Variants in ZNF469 observed in about 807,000 individuals in gnomAD.
The protein encoded by ZNF469 is zinc finger protein 469.
Under a neutral mutation model 1.0 loss-of-function variants are expected in ZNF469, and 1 was observed. The ratio of observed to expected loss-of-function variants is 1.00; its 90% CI spans 0.35 to 4.73. The LOEUF (loss-of-function observed/expected upper bound fraction) is 4.73, where lower values mean the gene tolerates loss of function less well. Ranked by LOEUF, ZNF469 falls within the 30% of genes most tolerant of loss-of-function variation. ZNF469 has a pLI of 0.16. For synonymous variants in ZNF469, 2,703 were observed against 2,363.4 expected, an observed-to-expected ratio of 1.14 and a Z score of -4.17; for missense variants, 6,100 against 5,356.3, an observed-to-expected ratio of 1.14 and a Z score of -4.33.
chr16:88,398,794 C>T (rs975066889), intron 1 of ZNF469, among the ~76,000 whole-genome samples: 4 of 152,056 alleles, frequency 2.6e-5, no homozygotes, highest in African/African-American at 9.7e-5. Flanking sequence ...TGCAGCAGCC[C>T]AGGGCATCCG....
At chr16:88,166,655 T>C in the ZNF469 span, among the ~76,000 whole-genome samples, 4 of 152,074 alleles carry the variant, frequency 2.6e-5, no homozygotes, top group East Asian at 3.9e-4. This position sits in a 1 kb window ranked among gnomAD's most constrained non-coding sequence, Gnocchi z 4.5. Flanking sequence ...AGAGTCAGCA[T>C]TGGAAACCGC....
At position 88,433,738 on chromosome 16, in the gene ZNF469, C is replaced by T; in HGVS notation, c.6268C>T (p.Pro2090Ser). The T allele has an allele frequency of 6.5e-7, 1 of 1,549,012 alleles. No homozygotes were observed. The highest frequency in any genetic ancestry group is 8.7e-7 in the Non-Finnish European group (1 of 1,146,840). The change falls in exon 3 of 3, where the codon CCC (proline) becomes TCC (serine). Residue 2090 changes from proline (P) to serine (S), a missense_variant. Coordinates refer to ENST00000565624, the MANE Select transcript of ZNF469 (RefSeq NM_001367624.2). ...EGRTPERASS[P>S]GLNKPLLATG... ...CCGGACTCCAGAGAGGGCGTCCAGC[C>T]CCGGCCTGAACAAGCCACTGCTGGC...
At chr16:88,280,340 G>A in the ZNF469 span, among the ~76,000 whole-genome samples, 1 of 152,036 alleles carries the variant, frequency 6.6e-6, no homozygotes, top group African/African-American at 2.4e-5. Context: ...GCTGCGCTAC[G>A]CCGACACTTG....
chr16:88,241,949 C>T, the ZNF469 span, among the ~76,000 whole-genome samples: 2 of 152,174 alleles, frequency 1.3e-5, no homozygotes, highest in Non-Finnish European at 2.9e-5. The surrounding 1 kb of genome is among the most constrained non-coding windows in gnomAD (Gnocchi z 4.8). Context: ...AGCTGGAAGG[C>T]GCTGTTTCCC....
chr16:88,129,161 C>G, the ZNF469 span, among the ~76,000 whole-genome samples: 5 of 152,250 alleles, frequency 3.3e-5, no homozygotes, highest in Non-Finnish European at 7.3e-5. Flanking sequence ...AGCTCATCCC[C>G]GTGAGCTCTG....
chr16:88,428,772 C>T lies in ZNF469; in HGVS notation c.1302C>T (p.Pro434=), dbSNP rs1474976204. ...AGCTGGCCGCCCCAGGGCCCCCACCCGCCAGGCTGCCCCAGCTGTGGGACC... is the reference window on the plus strand; with the variant it reads ...AGCTGGCCGCCCCAGGGCCCCCACCTGCCAGGCTGCCCCAGCTGTGGGACC... ...DTELAAPGPP[P]ARLPQLWDPT... Residue 434 remains proline, a synonymous_variant, in exon 3 of 3, where the codon CCC becomes CCT. Transcript: ENST00000565624. 22 of 1,545,500 alleles carry T rather than the reference C, an allele frequency of 1.4e-5. No homozygotes were observed. The highest frequency in any genetic ancestry group is 1.2e-4 in the East Asian group (5 of 40,846).
At chr16:88,131,320 T>C in the ZNF469 span, among the ~76,000 whole-genome samples, 1 of 152,200 alleles carries the variant, frequency 6.6e-6, no homozygotes, top group African/African-American at 2.4e-5. Flanking sequence ...AAGGCTGGTG[T>C]GTCGCCTAAG....
Position 88,439,429 on chromosome 16 carries a change from C to A in ZNF469, c.*97C>A. On this transcript the variant is annotated 3_prime_UTR_variant, in exon 3 of 3. Transcript: ENST00000565624. ...CTCCCTGAGATGGTCCACTCTGTGG[C>A]CACTTGACTTCTTGTGCAACTGCTC... is the stretch of plus-strand genomic sequence containing the variant. 1 of 1,348,692 alleles carries A rather than the reference C, an allele frequency of 7.4e-7. No individual in the cohort carries two copies. The allele number at this position is 1,348,692 out of a possible 1,614,324, so 83.5% of individuals were successfully genotyped here. A position where few individuals can be genotyped will look rare whatever the true frequency, so the allele number is the denominator to read the frequency against.
Position 88,429,858 on chromosome 16 carries a change from C to T in ZNF469, c.2388C>T (p.Thr796=), listed in dbSNP as rs891661990. The T allele has an allele frequency of 5.8e-6, 9 of 1,549,984 alleles. No individual in the cohort carries two copies. The highest frequency in any genetic ancestry group is 7.0e-6 in the Non-Finnish European group (8 of 1,146,798). ...CGGGCTTGCTCAGCCACGCGAAGAC[C>T]TTCCTGTTAGCTGGGGACGCCCAGG... The part of the protein sequence containing the change: ...AHAGLLSHAK[T]FLLAGDAQAE... Residue 796 remains threonine, a synonymous_variant, in exon 3 of 3, where the codon ACC becomes ACT. Coordinates refer to ENST00000565624, the MANE Select transcript of ZNF469 (RefSeq NM_001367624.2).
At chr16:88,261,432 C>A in the ZNF469 span, among the ~76,000 whole-genome samples, 4 of 152,120 alleles carry the variant, frequency 2.6e-5, no homozygotes, top group African/African-American at 9.7e-5. This position sits in a 1 kb window ranked among gnomAD's most constrained non-coding sequence, Gnocchi z 6.0. Flanking sequence ...GTAGGTCATG[C>A]CCCCCGCTGA....
the ZNF469 span, among the ~76,000 whole-genome samples, chr16:88,190,512 C>T: frequency 1.3e-5 from 2 of 152,216 alleles, no homozygotes; most frequent in East Asian, 1.9e-4. Flanking sequence ...GAAGAGCATG[C>T]ACTGGAGAAG....
At chr16:88,301,157 C>A in the ZNF469 span, among the ~76,000 whole-genome samples, 1 of 100,964 alleles carries the variant, frequency 9.9e-6, no homozygotes, top group Non-Finnish European at 2.5e-5. Flanking sequence ...AGTGGCCACA[C>A]TTTTCTTTTT....
the ZNF469 span, among the ~76,000 whole-genome samples, chr16:88,130,470 C>T: frequency 3.9e-5 from 6 of 152,234 alleles, no homozygotes; most frequent in Non-Finnish European, 7.4e-5. Context: ...GGAGTGGAGG[C>T]CGAGGCGGGC....
the ZNF469 span, among the ~76,000 whole-genome samples, chr16:88,277,176 C>A: frequency 8.6e-6 from 1 of 116,276 alleles, no homozygotes; most frequent in Non-Finnish European, 1.8e-5. Flanking sequence ...TGCACCACAC[C>A]GACGCTCAGT....
At chr16:88,311,389 C>T in the ZNF469 span, among the ~76,000 whole-genome samples, 3 of 152,130 alleles carry the variant, frequency 2.0e-5, no homozygotes, top group Non-Finnish European at 4.4e-5. Flanking sequence ...ATGTAATGTA[C>T]ATTTACACAG....
the ZNF469 span, among the ~76,000 whole-genome samples, chr16:88,371,388 G>A: frequency 2.0e-5 from 3 of 152,216 alleles, no homozygotes; most frequent in Non-Finnish European, 4.4e-5. Context: ...TACATAGGAC[G>A]TGACAATTGA....
the ZNF469 span, among the ~76,000 whole-genome samples, chr16:88,214,608 A>C: frequency 2.0e-5 from 3 of 151,964 alleles, no homozygotes; most frequent in African/African-American, 2.4e-5. Context: ...GCACCCATCA[A>C]CCCGTCATCT....
the ZNF469 span, among the ~76,000 whole-genome samples, chr16:88,256,930 CTTTCTTTCTTTCTTTCTTTCT>C: frequency 0.32 from 3,839 of 12,026 alleles, 317 homozygotes; most frequent in Middle Eastern, 0.5. Context: ...TTCTTTCTTT[CTTTCTTTCTTTCTTTCTTTCT>C]TTTCTTTTCT....
the ZNF469 span, among the ~76,000 whole-genome samples, chr16:88,120,453 C>T: frequency 5.3e-5 from 8 of 152,364 alleles, no homozygotes; most frequent in South Asian, 1.4e-3. Context: ...GCGGAGATGG[C>T]GCGCCCCACC....
Sources: allele counts gnomAD v4.1 joint callset (sites outside exome capture counted in the v4.1 genomes callset), GRCh38; gene constraint gnomAD v4.1.1; non-coding constraint Gnocchi (gnomAD v3.1); transcripts MANE v1.5; gene names NCBI Gene and HGNC (gene_info 2026-07-23, HGNC 2026-07-21).